The following PITPNC1 variants were observed in gnomAD, a reference collection of about 807,000 sequenced individuals.
PITPNC1 encodes phosphatidylinositol transfer protein cytoplasmic 1.
A neutral mutation model predicts 44.7 loss-of-function variants in PITPNC1; 18 were observed. The ratio of observed to expected loss-of-function variants is 0.40; its 90% CI spans 0.28 to 0.60. The LOEUF is 0.60. PITPNC1 is among the 20% of genes least tolerant of loss of function. The pLI is 0.39. For missense variants in PITPNC1, 290 were observed against 418.4 expected, an observed-to-expected ratio of 0.69 and a Z score of 2.68; for synonymous variants, 141 against 149.6, an observed-to-expected ratio of 0.94 and a Z score of 0.42.
At chr17:67,400,378 T>C (rs1320348772) in intron 1 of PITPNC1, among the ~76,000 whole-genome samples, 5 of 152,224 alleles carry the variant, frequency 3.3e-5, no homozygotes, top group Non-Finnish European at 7.3e-5. Flanking sequence ...AAGATTGCCA[T>C]TGGAAATAGG....
At chr17:67,622,394 A>G (rs950110852) in intron 5 of PITPNC1, among the ~76,000 whole-genome samples, 12 of 150,984 alleles carry the variant, frequency 7.9e-5, no homozygotes, top group African/African-American at 2.9e-4. Flanking sequence ...ATATATATAT[A>G]TATTCATAAA....
intron 5 of PITPNC1, among the ~76,000 whole-genome samples, chr17:67,615,490 T>C (rs1307033861): frequency 6.6e-6 from 1 of 152,142 alleles, no homozygotes; most frequent in East Asian, 1.9e-4. Flanking sequence ...GCACGAGCCA[T>C]AGCCAGCCAT....
chr17:67,512,184 TC>T (rs1371753572), intron 1 of PITPNC1, among the ~76,000 whole-genome samples: 1 of 152,148 alleles, frequency 6.6e-6, no homozygotes, highest in Non-Finnish European at 1.5e-5. Flanking sequence ...CCTCTCTAGG[TC>T]CCAGTTTCTT....
chr17:67,563,399 A>G (rs1046483118), intron 4 of PITPNC1, among the ~76,000 whole-genome samples: 1 of 152,232 alleles, frequency 6.6e-6, no homozygotes, highest in African/African-American at 2.4e-5. Flanking sequence ...TTAAAAGCCT[A>G]TAAATACTTC....
chr17:67,679,149 A>G (rs1322388778), intron 8 of PITPNC1, among the ~76,000 whole-genome samples: 2 of 152,252 alleles, frequency 1.3e-5, no homozygotes. Context: ...TTGGGTTGTA[A>G]GGACCGTTTA....
chr17:67,383,090 A>G (rs999783827), intron 1 of PITPNC1, among the ~76,000 whole-genome samples: 2 of 149,728 alleles, frequency 1.3e-5, no homozygotes, highest in Non-Finnish European at 3.0e-5. Context: ...CTGCCTCCCG[A>G]GTTCAAGAGA....
chr17:67,397,272 C>T (rs1025836838), intron 1 of PITPNC1, among the ~76,000 whole-genome samples: 1 of 152,166 alleles, frequency 6.6e-6, no homozygotes, highest in Non-Finnish European at 1.5e-5. Flanking sequence ...TCAGCCACCA[C>T]GCCTGGCCGT....
At chr17:67,631,645 A>T (rs1315332905) in intron 5 of PITPNC1, among the ~76,000 whole-genome samples, 565 of 7,860 alleles carry the variant, frequency 0.072, 12 homozygotes, top group East Asian at 0.29. Context: ...CAAAAAAAAA[A>T]AAAAAAAAAA....
chr17:67,465,416 A>G (rs2039411316), intron 1 of PITPNC1, among the ~76,000 whole-genome samples: 2 of 152,224 alleles, frequency 1.3e-5, no homozygotes, highest in Non-Finnish European at 2.9e-5. Context: ...GTGGAATCCC[A>G]TAAGCAGCTG....
chr17:67,420,342 T>C (rs2038652473), intron 1 of PITPNC1, among the ~76,000 whole-genome samples: 1 of 147,496 alleles, frequency 6.8e-6, no homozygotes, highest in Non-Finnish European at 1.5e-5. Context: ...ACTTCTATTT[T>C]CTCTCTCTCT....
At chr17:67,445,367 G>A (rs1294799710) in intron 1 of PITPNC1, among the ~76,000 whole-genome samples, 2 of 151,948 alleles carry the variant, frequency 1.3e-5, no homozygotes, top group African/African-American at 2.4e-5. Context: ...GATACATTGA[G>A]GCTTCTTCCT....
chr17:67,675,586 T>C, intron 8 of PITPNC1, 44 bp downstream of exon 8: 1 of 1,338,406 alleles, frequency 7.5e-7, no homozygotes, highest in Non-Finnish European at 1.1e-6. Flanking sequence ...AACTTCATGT[T>C]GTCTCGGGCT....
chr17:67,518,804 A>G (rs2040289833), intron 1 of PITPNC1, among the ~76,000 whole-genome samples: 1 of 152,210 alleles, frequency 6.6e-6, no homozygotes, highest in African/African-American at 2.4e-5. Context: ...TTACCCAGGC[A>G]TAGTGCCGTG....
At chr17:67,519,975 T>A (rs2040305472) in intron 1 of PITPNC1, among the ~76,000 whole-genome samples, 1 of 152,246 alleles carries the variant, frequency 6.6e-6, no homozygotes, top group African/African-American at 2.4e-5. Flanking sequence ...GAACTCCCGC[T>A]GTTCAATTGT....
At chr17:67,576,178 AGTATTT>A (rs1393416953) in intron 4 of PITPNC1, among the ~76,000 whole-genome samples, 1 of 151,998 alleles carries the variant, frequency 6.6e-6, no homozygotes, top group East Asian at 1.9e-4. Context: ...TGCCTGGCCA[AGTATTT>A]GCATTTCTAA....
chr17:67,505,305 G>A (rs2040086337), intron 1 of PITPNC1, among the ~76,000 whole-genome samples: 2 of 152,068 alleles, frequency 1.3e-5, no homozygotes, highest in Non-Finnish European at 2.9e-5. Flanking sequence ...ATTCAAAGTG[G>A]GGCACTAAGG....
chr17:67,562,940 T>G (rs2040924808), intron 4 of PITPNC1, among the ~76,000 whole-genome samples: 1 of 152,212 alleles, frequency 6.6e-6, no homozygotes, highest in African/African-American at 2.4e-5. Context: ...TTCTACCAAC[T>G]GTCTGTATAC....
intron 1 of PITPNC1, among the ~76,000 whole-genome samples, chr17:67,467,025 G>C (rs1194496629): frequency 1.3e-5 from 2 of 149,054 alleles, no homozygotes; most frequent in African/African-American, 4.9e-5. Flanking sequence ...TCCCAATTTA[G>C]CTGAAAAGGG....
At chr17:67,520,001 T>C (rs1173745943) in intron 1 of PITPNC1, among the ~76,000 whole-genome samples, 1 of 152,208 alleles carries the variant, frequency 6.6e-6, no homozygotes, top group African/African-American at 2.4e-5. Flanking sequence ...AAGCAGCAAG[T>C]GCTTCTCTTT....
Sources: gnomAD v4.1 joint callset for allele counts (sites outside exome capture counted in the v4.1 genomes callset) on GRCh38, gnomAD v4.1.1 for gene constraint, MANE v1.5 for transcripts, NCBI Gene and HGNC (gene_info 2026-07-23, HGNC 2026-07-21) for gene names.